TNNI3K: variants seen among roughly 807,000 people sequenced by gnomAD.
TNNI3K encodes serine/threonine-protein kinase TNNI3K.
TNNI3K carries 140 observed loss-of-function variants against 114.5 expected under a neutral mutation model. The observed-to-expected ratio is 1.22, with a 90% CI of 1.07 to 1.41. TNNI3K has a LOEUF of 1.41. Ranked by LOEUF, TNNI3K falls within the 40% of genes most tolerant of loss-of-function variation. The pLI, the probability that TNNI3K is intolerant of heterozygous loss-of-function variation, is 0.00. For synonymous variants in TNNI3K, 347 were observed against 347.5 expected (o/e 1.00, Z 0.02); for missense variants, 1,125 against 1,007.6 (o/e 1.12, Z -1.58).
chr1:74,427,207 AG>A (rs35246247), intron 17 of TNNI3K, among the ~76,000 whole-genome samples: 58,967 of 151,760 alleles, frequency 0.39, 13,911 homozygotes, highest in East Asian at 0.7. Context: ...GGGATTGCAT[AG>A]AGACTTTATA....
intron 21 of TNNI3K, among the ~76,000 whole-genome samples, chr1:74,483,707 C>T (rs1388481794): frequency 1.3e-5 from 2 of 152,102 alleles, no homozygotes; most frequent in Admixed American, 6.5e-5. Context: ...TTCTGCAACC[C>T]AATTGGAGAC....
chr1:74,488,823 G>A (rs2100290838), intron 21 of TNNI3K, among the ~76,000 whole-genome samples: 1 of 152,274 alleles, frequency 6.6e-6, no homozygotes, highest in African/African-American at 2.4e-5. Context: ...TTTATACACA[G>A]TGTGCAGTGT....
At chr1:74,379,506 G>A (rs1663090394) in intron 17 of TNNI3K, among the ~76,000 whole-genome samples, 1 of 151,936 alleles carries the variant, frequency 6.6e-6, no homozygotes, top group South Asian at 2.1e-4. Flanking sequence ...AGTTGTTGGT[G>A]TCCAGTCATA....
At chr1:74,288,288 T>G (rs895609784) in intron 5 of TNNI3K, among the ~76,000 whole-genome samples, 1 of 152,162 alleles carries the variant, frequency 6.6e-6, no homozygotes, top group Non-Finnish European at 1.5e-5. Flanking sequence ...TGTCTCATTC[T>G]ATTGCTCTCT....
At chr1:74,252,650 G>A (rs977331940) in intron 4 of TNNI3K, among the ~76,000 whole-genome samples, 2 of 152,148 alleles carry the variant, frequency 1.3e-5, no homozygotes, top group African/African-American at 2.4e-5. Context: ...TCGTGGTCTC[G>A]CTGGCTATGG....
intron 23 of TNNI3K, among the ~76,000 whole-genome samples, chr1:74,537,097 C>T (rs1646669044): frequency 6.6e-6 from 1 of 152,140 alleles, no homozygotes; most frequent in African/African-American, 2.4e-5. Context: ...AAGGTTAAGT[C>T]GTTTGACATG....
intron 5 of TNNI3K, among the ~76,000 whole-genome samples, chr1:74,289,062 AG>A (rs1420763168): frequency 3.8e-4 from 1 of 2,656 alleles, no homozygotes; most frequent in African/African-American, 4.1e-4. Context: ...GTGGTTAAAC[AG>A]AAAAAAAATA....
At chr1:74,436,373 A>T in intron 18 of TNNI3K, 101 bp from the exon 19 acceptor site, 4 of 1,351,680 alleles carry the variant, frequency 3.0e-6, no homozygotes, top group Non-Finnish European at 4.0e-6. Context: ...GAGAATTTGA[A>T]TAAGACAGAA....
chr1:74,444,392 C>G (rs1484882471), intron 20 of TNNI3K, among the ~76,000 whole-genome samples: 2 of 151,712 alleles, frequency 1.3e-5, no homozygotes, highest in Non-Finnish European at 2.9e-5. Context: ...CAACAATAGA[C>G]AAGAAGAGAG....
At chr1:74,399,171 A>C (rs1478414237) in intron 17 of TNNI3K, among the ~76,000 whole-genome samples, 1 of 151,184 alleles carries the variant, frequency 6.6e-6, no homozygotes, top group Non-Finnish European at 1.5e-5. Context: ...AAAAAAAAAA[A>C]AAAAAAAACA....
intron 17 of TNNI3K, among the ~76,000 whole-genome samples, chr1:74,386,134 G>C (rs1663466224): frequency 6.6e-6 from 1 of 152,098 alleles, no homozygotes; most frequent in Non-Finnish European, 1.5e-5. Context: ...CTCCTCATTT[G>C]CCTTCCACCA....
chr1:74,436,861 TCA>T (rs1287814730), intron 19 of TNNI3K, among the ~76,000 whole-genome samples: 1 of 152,104 alleles, frequency 6.6e-6, no homozygotes, highest in African/African-American at 2.4e-5. Context: ...AATAGGGAAC[TCA>T]CAATAAAATT....
At chr1:74,286,737 G>A (rs77168788) in intron 5 of TNNI3K, among the ~76,000 whole-genome samples, 137 of 152,172 alleles carry the variant, frequency 9.0e-4, no homozygotes, top group African/African-American at 3.2e-3. Flanking sequence ...CTCTGGACAA[G>A]CTGTCTGGTG....
chr1:74,444,231 C>T (rs1430088149), intron 20 of TNNI3K, among the ~76,000 whole-genome samples: 1 of 152,126 alleles, frequency 6.6e-6, no homozygotes, highest in Non-Finnish European at 1.5e-5. Flanking sequence ...TCTCTGTTTG[C>T]AGATGACATG....
chr1:74,237,468 A>G (rs1173046695), intron 2 of TNNI3K, among the ~76,000 whole-genome samples: 1 of 151,998 alleles, frequency 6.6e-6, no homozygotes, highest in East Asian at 1.9e-4. Flanking sequence ...CATTGAAGAG[A>G]TTTTCCTCAA....
At chr1:74,487,839 T>A (rs1668846045) in intron 21 of TNNI3K, among the ~76,000 whole-genome samples, 1 of 152,096 alleles carries the variant, frequency 6.6e-6, no homozygotes, top group Non-Finnish European at 1.5e-5. Flanking sequence ...GATCAAAGCT[T>A]GTTGGAGTCA....
chr1:74,344,761 G>C (rs1212478970), intron 9 of TNNI3K, among the ~76,000 whole-genome samples: 1 of 152,170 alleles, frequency 6.6e-6, no homozygotes, highest in Non-Finnish European at 1.5e-5. Context: ...TGTAAAGTGA[G>C]TTGAAAGTAT....
At position 74,384,407 on chromosome 1, in the gene TNNI3K, G is replaced by A. The variant is rs111864680; in HGVS notation, c.1772+14015G>A. Among the ~76,000 whole-genome samples, 28 of 152,230 alleles carry A rather than the reference G, an allele frequency of 1.8e-4. No homozygotes were observed. In the East Asian group the frequency reaches 3.3e-3, roughly 18 times the overall value. ...GGTGAAAAGTTAGTCAAACAAACTC[G>A]TTTTGCAATGTAGCTATAGCTCAAG... On this transcript the variant is annotated intron_variant, in intron 17 of 24. Coordinates refer to ENST00000326637, the MANE Select transcript of TNNI3K (RefSeq NM_015978.3).
chr1:74,241,440 T>A (rs907132542), intron 2 of TNNI3K, among the ~76,000 whole-genome samples: 22 of 152,306 alleles, frequency 1.4e-4, no homozygotes, highest in Non-Finnish European at 2.5e-4. Flanking sequence ...CTCCAGCACC[T>A]GTTGTTTCCT....
Sources: allele counts gnomAD v4.1 joint callset (sites outside exome capture counted in the v4.1 genomes callset), GRCh38; gene constraint gnomAD v4.1.1; transcripts MANE v1.5; gene names NCBI Gene and HGNC (gene_info 2026-07-23, HGNC 2026-07-21).